Variants in LDAH observed in about 807,000 individuals in gnomAD.
The protein encoded by LDAH is lipid droplet-associated hydrolase.
LDAH carries 26 observed loss-of-function variants against 29.6 expected under a neutral mutation model. The observed-to-expected ratio is 0.88, with a 90% confidence interval of 0.64 to 1.22. The LOEUF (loss-of-function observed/expected upper bound fraction) is 1.22. Ranked by LOEUF, LDAH falls within the 50% of genes most tolerant of loss-of-function variation. The pLI is 0.00. For synonymous variants in LDAH, 117 were observed against 133.0 expected, an observed-to-expected ratio of 0.88 and a Z score of 0.83; for missense variants, 344 against 387.3, an observed-to-expected ratio of 0.89 and a Z score of 0.94.
At chr2:20,780,227 C>T (rs1230505126) in intron 3 of LDAH, among the ~76,000 whole-genome samples, 1 of 152,128 alleles carries the variant, frequency 6.6e-6, no homozygotes, top group African/African-American at 2.4e-5. Flanking sequence ...TTGTAAACCC[C>T]AAGCATATGT....
At position 20,685,561 on chromosome 2, in the gene LDAH, C is replaced by A. The variant is rs17663874; in HGVS notation, c.*1342G>T. On this transcript the variant is annotated 3_prime_UTR_variant, in exon 7 of 7. Transcript: ENST00000237822. ...TCAGCACTTACCAATAAGTTGGCAG[C>A]AAATCAGAGCCAAATCTTTCATCAG... is the stretch of plus-strand genomic sequence containing the variant. The A allele has an allele frequency of 0.14, 217,472 of 1,550,070 alleles. 15,850 individuals are homozygous for A. The highest frequency in any genetic ancestry group is 0.21 in the African/African-American group (15,691 of 73,086).
intron 5 of LDAH, among the ~76,000 whole-genome samples, chr2:20,706,772 A>G (rs149159686): frequency 6.6e-6 from 1 of 152,224 alleles, no homozygotes; most frequent in African/African-American, 2.4e-5. Flanking sequence ...TGGGCAACAA[A>G]AAGACAGCAA....
chr2:20,819,269 G>A (rs1481644600), intron 1 of LDAH, among the ~76,000 whole-genome samples: 1 of 151,850 alleles, frequency 6.6e-6, no homozygotes, highest in African/African-American at 2.4e-5. Flanking sequence ...ATCAATTAAT[G>A]CCAAGAATTT....
At chr2:20,781,324 G>T (rs1339554147) in intron 3 of LDAH, among the ~76,000 whole-genome samples, 2 of 152,072 alleles carry the variant, frequency 1.3e-5, no homozygotes, top group African/African-American at 4.8e-5. Flanking sequence ...TGATAATGTG[G>T]TCTACTAGAA....
At chr2:20,727,208 C>T (rs1480416898) in intron 5 of LDAH, among the ~76,000 whole-genome samples, 1 of 152,014 alleles carries the variant, frequency 6.6e-6, no homozygotes, top group East Asian at 1.9e-4. Context: ...AAGACCCTGT[C>T]TCTAATATAA....
intron 2 of LDAH, among the ~76,000 whole-genome samples, chr2:20,792,042 A>G (rs1670999214): frequency 6.6e-6 from 1 of 151,792 alleles, no homozygotes; most frequent in Non-Finnish European, 1.5e-5. Flanking sequence ...TTCTTTTTCT[A>G]AATTTTCTAG....
At position 20,727,780 on chromosome 2, in the gene LDAH, TA is replaced by T. The variant is rs1666119965; in HGVS notation, c.703+12190del. ...TACAGAGTAGCAAACATTCCAGAAT[TA>T]AAACTGAAGAAAAAATCCATATATG... On this transcript the variant is annotated intron_variant, in intron 5 of 6. Transcript: ENST00000237822. Among the ~76,000 whole-genome samples, 4 of 152,122 alleles carry T rather than the reference TA, an allele frequency of 2.6e-5. No homozygotes were observed. The South Asian group carries it at 8.3e-4, about 32-fold the overall frequency.
intron 2 of LDAH, 118 bp from the exon 3 acceptor site, chr2:20,790,516 T>C: frequency 3.8e-6 from 3 of 782,288 alleles, no homozygotes; most frequent in African/African-American, 1.7e-5. Flanking sequence ...TTCTTCAGAG[T>C]ACCCAAGAGA....
At chr2:20,722,146 C>T (rs113178254) in intron 5 of LDAH, among the ~76,000 whole-genome samples, 22,306 of 151,910 alleles carry the variant, frequency 0.15, 2,787 homozygotes, top group African/African-American at 0.34. Context: ...GAGGCCTAGG[C>T]GGGCGGATCA....
chr2:20,794,833 A>C (rs1671206562), intron 2 of LDAH, among the ~76,000 whole-genome samples: 2 of 152,214 alleles, frequency 1.3e-5, no homozygotes, highest in South Asian at 4.1e-4. Flanking sequence ...CTCACATACA[A>C]TAAATCCTTT....
At position 20,804,286 on chromosome 2, in the gene LDAH, T is replaced by TA. The variant is rs1671917850; in HGVS notation, c.-2-2822dup. On this transcript the variant is annotated intron_variant, in intron 1 of 6. Coordinates refer to ENST00000237822, the MANE Select transcript of LDAH (RefSeq NM_021925.4). ...AAATTCCACACATTGATGGTAATCA[T>TA]AAAAATGGCTTTGCAAAGCAATCTG... Among the ~76,000 whole-genome samples the TA allele has an allele frequency of 3.9e-5, 6 of 152,146 alleles. No individual in the cohort carries two copies. The South Asian group carries it at 1.2e-3, about 31-fold the overall frequency.
intron 5 of LDAH, among the ~76,000 whole-genome samples, chr2:20,728,380 ATCT>A (rs1287654009): frequency 1.3e-5 from 2 of 152,142 alleles, no homozygotes; most frequent in Non-Finnish European, 2.9e-5. Flanking sequence ...CTCTGACCTG[ATCT>A]TCTTTTCCCT....
At chr2:20,774,318 G>A (rs1193631262) in intron 4 of LDAH, among the ~76,000 whole-genome samples, 1 of 152,136 alleles carries the variant, frequency 6.6e-6, no homozygotes, top group Non-Finnish European at 1.5e-5. Flanking sequence ...CAAAAAGGCT[G>A]CCAAGATACA....
At chr2:20,733,622 T>G (rs1214250993) in intron 5 of LDAH, among the ~76,000 whole-genome samples, 1 of 152,046 alleles carries the variant, frequency 6.6e-6, no homozygotes, top group Non-Finnish European at 1.5e-5. Flanking sequence ...CAGGCTGGTC[T>G]TGAACTCCTG....
At chr2:20,813,659 T>C (rs916387997) in intron 1 of LDAH, among the ~76,000 whole-genome samples, 1 of 152,236 alleles carries the variant, frequency 6.6e-6, no homozygotes, top group Non-Finnish European at 1.5e-5. Flanking sequence ...TGCCAGATTA[T>C]TCTCAAAAAA....
intron 3 of LDAH, among the ~76,000 whole-genome samples, chr2:20,778,722 A>G (rs1558470044): frequency 6.6e-6 from 1 of 152,182 alleles, no homozygotes; most frequent in South Asian, 2.1e-4. Context: ...GTGAGAAAAG[A>G]ACACAGTTTA....
chr2:20,696,815 G>A lies in LDAH; in HGVS notation c.786+4755C>T, dbSNP rs537795445. On this transcript the variant is annotated intron_variant, in intron 6 of 6. Transcript: ENST00000237822. Reference sequence around the variant, plus strand: ...CCAGACAAACTGGGATTGGGGTGGCGAAAACGCACAGTTGATTCTCTTCCC... The same window carrying A: ...CCAGACAAACTGGGATTGGGGTGGCAAAAACGCACAGTTGATTCTCTTCCC... 4.6e-4 allele frequency among the ~76,000 whole-genome samples: 70 copies of A among 152,176 alleles called. 1 individual carries two copies. Among genetic ancestry groups the A allele is most frequent in the African/African-American group, 1.6e-3 (66 of 41,508 alleles).
At chr2:20,788,938 A>G (rs565694718) in intron 3 of LDAH, 8 of 511,746 alleles carry the variant, frequency 1.6e-5, no homozygotes, top group African/African-American at 5.9e-5. Context: ...GGTAGTTTGC[A>G]TCTCCATGGT....
At chr2:20,733,776 C>T (rs539510171) in intron 5 of LDAH, among the ~76,000 whole-genome samples, 5 of 152,018 alleles carry the variant, frequency 3.3e-5, no homozygotes, top group South Asian at 2.1e-4. Flanking sequence ...TGGGCTCAAG[C>T]GATCCTTCCA....
Sources: gnomAD v4.1 joint callset for allele counts (sites outside exome capture counted in the v4.1 genomes callset) on GRCh38, gnomAD v4.1.1 for gene constraint, MANE v1.5 for transcripts, NCBI Gene and HGNC (gene_info 2026-07-23, HGNC 2026-07-21) for gene names.